The following SAFB variants were observed in gnomAD, a reference collection of about 807,000 sequenced individuals.
SAFB encodes scaffold attachment factor B.
In SAFB, 15 loss-of-function variants were observed where a neutral mutation model predicts 101.6. The ratio of observed to expected loss-of-function variants is 0.15; its 90% CI spans 0.10 to 0.23. The LOEUF (loss-of-function observed/expected upper bound fraction) is 0.23, where lower values mean the gene tolerates loss of function less well. Ranked by LOEUF, SAFB falls within the 10% of genes least tolerant of loss-of-function variation. SAFB has a pLI of 1.00. For synonymous variants in SAFB, 449 were observed against 407.5 expected, an observed-to-expected ratio of 1.10 and a Z score of -1.23; for missense variants, 930 against 1,104.1, an observed-to-expected ratio of 0.84 and a Z score of 2.23.
At chr19:5,632,987 A>G (rs931795274) in intron 2 of SAFB, among the ~76,000 whole-genome samples, 4 of 152,160 alleles carry the variant, frequency 2.6e-5, no homozygotes, top group Admixed American at 6.5e-5. Context: ...TTCAAATGCT[A>G]TTGGCCAGGT....
At chr19:5,668,056 AG>A in intron 20 of SAFB, 105 bp from the exon 21 acceptor site, 1 of 1,503,668 alleles carries the variant, frequency 6.7e-7, no homozygotes, top group Admixed American at 2.1e-5. Context: ...GGAGGGCATT[AG>A]GAAGGGGCCC....
rs534518500 is a variant in SAFB at position 5,652,231 on chromosome 19, T to C, written c.1294-884T>C. Among the ~76,000 whole-genome samples the C allele has an allele frequency of 2.2e-4, 33 of 152,162 alleles. No homozygotes were observed. The South Asian group carries it at 6.8e-3, about 32-fold the overall frequency. On this transcript the variant is annotated intron_variant, in intron 9 of 20. Transcript: ENST00000588852. ...AAAAGGATAAAACTAATTATGTCATTATTACGGACATAACTAAGGGCTTCT... is the reference window on the plus strand; with the variant it reads ...AAAAGGATAAAACTAATTATGTCATCATTACGGACATAACTAAGGGCTTCT...
Position 5,628,919 on chromosome 19 carries a change from C to T in SAFB, c.274+2430C>T, listed in dbSNP as rs148160976. 3.3e-3 allele frequency among the ~76,000 whole-genome samples: 495 copies of T among 152,278 alleles called. 1 individual carries two copies. The highest frequency in any genetic ancestry group is 0.011 in the African/African-American group (459 of 41,552). The stretch of plus-strand genomic sequence containing the variant: ...CTGATAAAAGCAAATACTTGTACTA[C>T]AGGCTTTTGTTGCTGTTTTTGTTTT... On this transcript the variant is annotated intron_variant, in intron 2 of 20. Transcript: ENST00000588852.
chr19:5,667,698 C>T lies in SAFB; in HGVS notation c.2558-122C>T. 1.1e-6 allele frequency: 1 copy of T among 944,120 alleles called. No individual in the cohort carries two copies. Among genetic ancestry groups the T allele is most frequent in the Non-Finnish European group, 1.7e-6 (1 of 602,446 alleles). The allele number at this position is 944,120 out of a possible 1,614,324, so 58.5% of individuals were successfully genotyped here. A position where few individuals can be genotyped will look rare whatever the true frequency, so the allele number is the denominator to read the frequency against. On this transcript the variant is annotated intron_variant, in intron 19 of 20. Coordinates refer to ENST00000588852, the MANE Select transcript of SAFB (RefSeq NM_001201338.2). The surrounding 1 kb of genome is among the most constrained non-coding windows in gnomAD (Gnocchi z 4.0). ...ATGGTCCCTGTGCCCAGGTGTCTTC[C>T]TGGGACCCGCTAGTTGTGGGTACCT... is the stretch of plus-strand genomic sequence containing the variant.
chr19:5,668,379 A>C lies in SAFB; in HGVS notation c.*88A>C. ...AAACTGTGTAAAAATATTTTTTTTT[A>C]ATCTGCTGCCATATTGTAGCTCAAT... On this transcript the variant is annotated 3_prime_UTR_variant, in exon 21 of 21. Coordinates refer to ENST00000588852, the MANE Select transcript of SAFB (RefSeq NM_001201338.2). 4 of 1,412,578 alleles carry C rather than the reference A, an allele frequency of 2.8e-6. No homozygotes were observed. Among genetic ancestry groups the C allele is most frequent in the Non-Finnish European group, 3.8e-6 (4 of 1,057,776 alleles). The allele number at this position is 1,412,578 out of a possible 1,614,324, so 87.5% of individuals were successfully genotyped here. A position where few individuals can be genotyped will look rare whatever the true frequency, so the allele number is the denominator to read the frequency against.
intron 9 of SAFB, among the ~76,000 whole-genome samples, chr19:5,651,346 C>T (rs542341072): frequency 6.6e-6 from 1 of 152,278 alleles, no homozygotes; most frequent in Admixed American, 6.5e-5. Flanking sequence ...CTCAGGACGT[C>T]GCACTCAGGC....
intron 4 of SAFB, among the ~76,000 whole-genome samples, chr19:5,642,253 G>A (rs2053732135): frequency 6.6e-6 from 1 of 152,204 alleles, no homozygotes; most frequent in Non-Finnish European, 1.5e-5. Flanking sequence ...TGAAAGCATT[G>A]AACTAGGAAG....
intron 7 of SAFB, chr19:5,649,713 C>T: frequency 1.2e-6 from 1 of 826,722 alleles, no homozygotes; most frequent in Non-Finnish European, 1.9e-6. Flanking sequence ...TTCTTAAATT[C>T]TTCCTAATTA....
rs1392975227 is a variant in SAFB, at chr19:5,661,587, G to A, written c.1932G>A (p.Arg644=). ...AGTGGGAGCGCGAGGAGCGTGAGCG[G>A]CTGGAGATTGCCCGAGAGAGGCTGG... is the stretch of plus-strand genomic sequence containing the variant. ...QAQWEREERE[R]LEIARERLAF... The change falls in exon 15 of 21, where the codon CGG becomes CGA. Residue 644 remains arginine, a synonymous_variant. Coordinates refer to ENST00000588852, the MANE Select transcript of SAFB (RefSeq NM_001201338.2). 6.2e-6 allele frequency: 10 copies of A among 1,612,864 alleles called. No homozygotes were observed. Among genetic ancestry groups the A allele is most frequent in the Non-Finnish European group, 8.5e-6 (10 of 1,179,886 alleles).
chr19:5,640,856 G>A (rs1484095109), intron 2 of SAFB, among the ~76,000 whole-genome samples: 3 of 152,016 alleles, frequency 2.0e-5, no homozygotes, highest in Non-Finnish European at 4.4e-5. Context: ...CTCCTAATGT[G>A]CTGGACTTAA....
intron 2 of SAFB, among the ~76,000 whole-genome samples, chr19:5,627,035 G>A (rs1488511537): frequency 2.6e-5 from 4 of 152,084 alleles, no homozygotes; most frequent in Non-Finnish European, 4.4e-5. Flanking sequence ...AATTAGCCAG[G>A]CATGATGGCA....
intron 1 of SAFB, among the ~76,000 whole-genome samples, chr19:5,626,148 A>G (rs1463614192): frequency 6.6e-6 from 1 of 152,120 alleles, no homozygotes; most frequent in Non-Finnish European, 1.5e-5. Flanking sequence ...TATTAGCCGC[A>G]TGTTCCAGAG....
At position 5,661,777 on chromosome 19, in the gene SAFB, C is replaced by T. The variant is rs1304932078; in HGVS notation, c.2122C>T (p.Pro708Ser). ...ACTGCGCTATGAGCAGGAGCGGCGG[C>T]CCGCGGTGCGGCGGCCCTACGACCT... is the stretch of plus-strand genomic sequence containing the variant. ...QELRYEQERR[P>S]AVRRPYDLDR... The change falls in exon 15 of 21, where the codon CCC becomes TCC. Residue 708 changes from proline to serine, a missense_variant. This residue lies in a region of SAFB where 318 missense variants were observed against 342.6 expected (regional missense o/e 0.93). Transcript: ENST00000588852. 12 of 1,566,668 alleles carry T rather than the reference C, an allele frequency of 7.7e-6. No individual in the cohort carries two copies. The highest frequency in any genetic ancestry group is 4.6e-5 in the South Asian group (4 of 86,286).
chr19:5,630,848 T>G (rs2053475030), intron 2 of SAFB, among the ~76,000 whole-genome samples: 1 of 152,188 alleles, frequency 6.6e-6, no homozygotes, highest in Admixed American at 6.5e-5. Context: ...GAGGTTTAAT[T>G]AATTTAGAAT....
chr19:5,623,144 A>T lies in SAFB; in HGVS notation c.-62A>T. ...CTCGCAGGCGGCGCCATTTTGTGCTAGGAGCCTGATAAAACCGGCCCGGTT... is the reference window on the plus strand; with the variant it reads ...CTCGCAGGCGGCGCCATTTTGTGCTTGGAGCCTGATAAAACCGGCCCGGTT... On this transcript the variant is annotated 5_prime_UTR_variant, in exon 1 of 21. Transcript: ENST00000588852. 1 of 1,499,218 alleles carries T rather than the reference A, an allele frequency of 6.7e-7. No homozygotes were observed. The highest frequency in any genetic ancestry group is 9.0e-7 in the Non-Finnish European group (1 of 1,105,120). The allele number at this position is 1,499,218 out of a possible 1,614,324, so 92.9% of individuals were successfully genotyped here. A position where few individuals can be genotyped will look rare whatever the true frequency, so the allele number is the denominator to read the frequency against.
At chr19:5,624,407 G>A (rs540457902) in intron 1 of SAFB, among the ~76,000 whole-genome samples, 15 of 152,216 alleles carry the variant, frequency 9.9e-5, no homozygotes, top group African/African-American at 3.6e-4. Flanking sequence ...GCAGATCGGG[G>A]GCTCTAACGC....
intron 2 of SAFB, among the ~76,000 whole-genome samples, chr19:5,636,173 C>A (rs908758332): frequency 3.9e-5 from 6 of 151,942 alleles, no homozygotes; most frequent in Non-Finnish European, 7.4e-5. Context: ...AAGTGGAAAA[C>A]CCTGATTCTG....
Position 5,641,721 on chromosome 19 carries a change from C to T in SAFB, c.340-19C>T, listed in dbSNP as rs373038496. Reference sequence around the variant, plus strand: ...GACCAGTGGCGGTCACATGATGGTTCGGTCTGGTTGTGTCACAGGAGGATG... The same window carrying T: ...GACCAGTGGCGGTCACATGATGGTTTGGTCTGGTTGTGTCACAGGAGGATG... On this transcript the variant is annotated intron_variant, in intron 3 of 20. Coordinates refer to ENST00000588852, the MANE Select transcript of SAFB (RefSeq NM_001201338.2). The T allele has an allele frequency of 1.3e-5, 21 of 1,613,490 alleles. 1 individual carries two copies. Among genetic ancestry groups the T allele is most frequent in the African/African-American group, 6.7e-5 (5 of 74,982 alleles).
intron 9 of SAFB, 22 bp from the exon 10 acceptor site, chr19:5,653,093 T>C (rs2053975357): frequency 6.2e-7 from 1 of 1,612,812 alleles, no homozygotes. Context: ...GTCTGAGTCA[T>C]ATTTGCCTGC....
Sources: gnomAD v4.1 joint callset for allele counts (sites outside exome capture counted in the v4.1 genomes callset) on GRCh38, gnomAD v4.1.1 for gene constraint, gnomAD v4.1.1 regional missense constraint, Gnocchi (gnomAD v3.1) non-coding constraint, MANE v1.5 for transcripts, NCBI Gene and HGNC (gene_info 2026-07-23, HGNC 2026-07-21) for gene names.